Variants in PRKAG2 observed in about 807,000 individuals in gnomAD.
PRKAG2 encodes 5'-AMP-activated protein kinase subunit gamma-2.
A neutral mutation model predicts 69.6 loss-of-function variants in PRKAG2; 26 were observed. The ratio of observed to expected loss-of-function variants is 0.37; its 90% CI spans 0.27 to 0.52. The LOEUF (loss-of-function observed/expected upper bound fraction) is 0.52. Ranked by LOEUF, PRKAG2 falls within the 20% of genes least tolerant of loss-of-function variation. The pLI is 0.90. For synonymous variants in PRKAG2, 293 were observed against 285.0 expected (o/e 1.03, Z -0.28); for missense variants, 557 against 740.0 (o/e 0.75, Z 2.87).
intron 5 of PRKAG2, among the ~76,000 whole-genome samples, chr7:151,616,673 T>A (rs1005917980): frequency 6.6e-6 from 1 of 152,184 alleles, no homozygotes; most frequent in African/African-American, 2.4e-5. Context: ...GTGGGTGAAG[T>A]ACTGCAAAGT....
At chr7:151,678,124 A>G (rs1833248770) in intron 3 of PRKAG2, among the ~76,000 whole-genome samples, 1 of 152,156 alleles carries the variant, frequency 6.6e-6, no homozygotes, top group South Asian at 2.1e-4. Context: ...CTCATGGGGA[A>G]GGACCTGTCC....
At chr7:151,873,949 G>T (rs1361188510) in intron 1 of PRKAG2, among the ~76,000 whole-genome samples, 1 of 151,630 alleles carries the variant, frequency 6.6e-6, no homozygotes, top group East Asian at 1.9e-4. Context: ...AAAAAACTAG[G>T]TGTCTGATGT....
chr7:151,638,581 C>CCAAG lies in PRKAG2; in HGVS notation c.685-6447_685-6444dup, dbSNP rs1289788757. ...CCCAGGAGGCGGAACTTGGAGTGAG[C>CCAAG]CAAGATTGCACCACTGCACTCCAGC... On this transcript the variant is annotated intron_variant, in intron 4 of 15. Transcript: ENST00000287878. This position sits in a 1 kb window ranked among gnomAD's most constrained non-coding sequence, Gnocchi z 4.3. Among the ~76,000 whole-genome samples the CCAAG allele has an allele frequency of 6.6e-6, 1 of 151,994 alleles. No individual in the cohort carries two copies. The highest frequency in any genetic ancestry group is 1.5e-5 in the Non-Finnish European group (1 of 68,004).
intron 3 of PRKAG2, among the ~76,000 whole-genome samples, chr7:151,710,236 G>A (rs1288458060): frequency 2.0e-5 from 3 of 152,134 alleles, no homozygotes; most frequent in African/African-American, 7.2e-5. Flanking sequence ...ATTGAAACCA[G>A]AACTCTAAGT....
chr7:151,653,773 TG>T (rs1828934356), intron 4 of PRKAG2, among the ~76,000 whole-genome samples: 2 of 152,158 alleles, frequency 1.3e-5, no homozygotes, highest in Admixed American at 1.3e-4. Context: ...ACCCTGGAGC[TG>T]GAGGTTGCAG....
chr7:151,863,658 G>A (rs1399778972), intron 1 of PRKAG2, among the ~76,000 whole-genome samples: 1 of 152,180 alleles, frequency 6.6e-6, no homozygotes, highest in African/African-American at 2.4e-5. Context: ...GCTCACGCCT[G>A]CAATCTTAGC....
chr7:151,565,313 A>T, intron 13 of PRKAG2, 33 bp downstream of exon 13: 1 of 1,351,192 alleles, frequency 7.4e-7, no homozygotes, highest in Non-Finnish European at 1.0e-6. Context: ...AATGCATTCT[A>T]GGTGACAGAT....
chr7:151,590,135 G>C (rs937790910), intron 6 of PRKAG2, among the ~76,000 whole-genome samples: 6 of 152,164 alleles, frequency 3.9e-5, no homozygotes, highest in African/African-American at 1.4e-4. Flanking sequence ...TGACATTTGT[G>C]TGCCAGGGCC....
chr7:151,733,717 T>G (rs1308493708), intron 3 of PRKAG2, among the ~76,000 whole-genome samples: 1 of 151,942 alleles, frequency 6.6e-6, no homozygotes. Flanking sequence ...TTTTTTTTTT[T>G]TGAGGGTCTT....
At chr7:151,693,379 C>T (rs1294963658) in intron 3 of PRKAG2, among the ~76,000 whole-genome samples, 1 of 152,132 alleles carries the variant, frequency 6.6e-6, no homozygotes, top group African/African-American at 2.4e-5. Flanking sequence ...CTACTCATCC[C>T]AGAGAGGAGT....
intron 4 of PRKAG2, among the ~76,000 whole-genome samples, chr7:151,651,639 A>G (rs1329806538): frequency 3.3e-5 from 5 of 151,900 alleles, no homozygotes; most frequent in Non-Finnish European, 5.9e-5. Flanking sequence ...TGCAAGATAG[A>G]TGGACAGATT....
intron 6 of PRKAG2, among the ~76,000 whole-genome samples, chr7:151,589,043 A>T (rs373090106): frequency 6.6e-6 from 1 of 152,060 alleles, no homozygotes; most frequent in South Asian, 2.1e-4. Context: ...GGTGTTGCCA[A>T]CTGGCTCTAT....
At chr7:151,657,882 G>A (rs1380250358) in intron 4 of PRKAG2, among the ~76,000 whole-genome samples, 2 of 152,232 alleles carry the variant, frequency 1.3e-5, no homozygotes, top group Non-Finnish European at 2.9e-5. Flanking sequence ...TGGAGGGCAG[G>A]TGCAGTGGCT....
At chr7:151,557,986 G>C (rs1284150682) in intron 15 of PRKAG2, 1 of 984,658 alleles carries the variant, frequency 1.0e-6, no homozygotes, top group African/African-American at 1.7e-5. Context: ...TTGGCAGGGA[G>C]AGCTACTATT....
intron 1 of PRKAG2, among the ~76,000 whole-genome samples, chr7:151,843,665 G>T (rs984609569): frequency 4.6e-5 from 7 of 152,156 alleles, no homozygotes; most frequent in Admixed American, 4.6e-4. Context: ...ATCCCCACTG[G>T]GGTGAGGCCC....
rs780367141 is a variant in PRKAG2, at chr7:151,571,383, AT to A, written c.1052-1159del. Among the ~76,000 whole-genome samples the A allele has an allele frequency of 3.0e-4, 46 of 151,950 alleles. No homozygotes were observed. In the East Asian group the frequency reaches 6.8e-3, roughly 22 times the overall value. On this transcript the variant is annotated intron_variant, in intron 9 of 15. Coordinates refer to ENST00000287878, the MANE Select transcript of PRKAG2 (RefSeq NM_016203.4). ...CTACTGCGCCTGGCTCTAATTTTGT[AT>A]TTTTAGTAGAGAGAGGGTTTCACCA...
chr7:151,669,350 C>T (rs540001838), intron 4 of PRKAG2, among the ~76,000 whole-genome samples: 1 of 152,308 alleles, frequency 6.6e-6, no homozygotes, highest in Admixed American at 6.5e-5. Context: ...AGTATCCTTG[C>T]CGAAGTCACA....
intron 3 of PRKAG2, among the ~76,000 whole-genome samples, chr7:151,681,125 C>A (rs563581750): frequency 6.6e-6 from 1 of 152,208 alleles, no homozygotes; most frequent in Non-Finnish European, 1.5e-5. Context: ...TTGCAGGCCA[C>A]CCCCGTGTGA....
chr7:151,842,129 G>A (rs1304724745), intron 1 of PRKAG2, among the ~76,000 whole-genome samples: 2 of 149,328 alleles, frequency 1.3e-5, no homozygotes, highest in East Asian at 4.4e-4. Flanking sequence ...AGGTGGGGAT[G>A]GTAGTGATGG....
Sources: allele counts gnomAD v4.1 joint callset (sites outside exome capture counted in the v4.1 genomes callset), GRCh38; gene constraint gnomAD v4.1.1; non-coding constraint Gnocchi (gnomAD v3.1); transcripts MANE v1.5; gene names NCBI Gene and HGNC (gene_info 2026-07-23, HGNC 2026-07-21).